NRXN1: variants seen among roughly 807,000 people sequenced by gnomAD.
NRXN1 encodes neurexin 1.
NRXN1 carries 39 observed loss-of-function variants against 150.9 expected under a neutral mutation model. That is an observed-to-expected ratio of 0.26 (90% CI 0.20 to 0.34). The LOEUF is 0.34. Among genes scored for constraint, NRXN1 ranks in the 10% least tolerant of loss-of-function variants. The pLI is 1.00. For missense variants in NRXN1, 1,815 were observed against 1,949.9 expected (o/e 0.93, Z 1.30); for synonymous variants, 924 against 757.0 (o/e 1.22, Z -3.62).
intron 5 of NRXN1, among the ~76,000 whole-genome samples, chr2:50,735,679 T>A (rs780546240): frequency 2.0e-5 from 3 of 152,124 alleles, no homozygotes; most frequent in Non-Finnish European, 4.4e-5. Flanking sequence ...CTATGCTACG[T>A]CCCTCAATTA....
chr2:50,096,411 G>A (rs781518015), intron 18 of NRXN1, among the ~76,000 whole-genome samples: 10 of 152,192 alleles, frequency 6.6e-5, no homozygotes, highest in East Asian at 1.9e-4. Context: ...GCAATAAAAC[G>A]TGCTAAACTT....
At chr2:50,799,431 C>G (rs774329057) in intron 5 of NRXN1, among the ~76,000 whole-genome samples, 1 of 152,104 alleles carries the variant, frequency 6.6e-6, no homozygotes. Context: ...TGAGAACTGT[C>G]CAATAAAGCC....
At chr2:50,743,352 T>A (rs1039332699) in intron 5 of NRXN1, among the ~76,000 whole-genome samples, 2 of 152,158 alleles carry the variant, frequency 1.3e-5, no homozygotes, top group African/African-American at 2.4e-5. Context: ...TAAGAAGATG[T>A]TAATTGAGGG....
In NRXN1 at chr2:50,347,542, G is replaced by A. The variant is rs2078117876; in HGVS notation, c.3365-110572C>T. The A allele has an allele frequency of 1.2e-5, 12 of 1,043,108 alleles. No individual in the cohort carries two copies. Among genetic ancestry groups the A allele is most frequent in the Non-Finnish European group, 1.4e-5 (12 of 864,540 alleles). The allele number at this position is 1,043,108 out of a possible 1,614,324, so 64.6% of individuals were successfully genotyped here. A position where few individuals can be genotyped will look rare whatever the true frequency, so the allele number is the denominator to read the frequency against. On this transcript the variant is annotated intron_variant, in intron 17 of 22. Transcript: ENST00000401669. The surrounding 1 kb of genome is among the most constrained non-coding windows in gnomAD (Gnocchi z 4.9). ...TCGCCCGCTAGCGCCAGCCTCCCCC[G>A]GGCAGCGCGCGGAGCAGCGGCGCGC...
chr2:50,015,558 G>A (rs1262594883), intron 21 of NRXN1, among the ~76,000 whole-genome samples: 1 of 150,448 alleles, frequency 6.6e-6, no homozygotes, highest in African/African-American at 2.4e-5. Context: ...CTGGGCTTGG[G>A]AGGAGGCAGC....
intron 5 of NRXN1, among the ~76,000 whole-genome samples, chr2:50,911,366 C>T (rs1684492557): frequency 6.8e-6 from 1 of 147,648 alleles, no homozygotes; most frequent in Admixed American, 6.9e-5. Flanking sequence ...ACTAATCTTT[C>T]AACCACTTCC....
rs139683302 is a variant in NRXN1 at position 50,336,903 on chromosome 2, T to A, written c.3365-99933A>T. Among the ~76,000 whole-genome samples, 327 of 152,102 alleles carry A rather than the reference T, an allele frequency of 2.1e-3. 2 individuals carry two copies. Among genetic ancestry groups the A allele is most frequent in the African/African-American group, 7.5e-3 (311 of 41,514 alleles). ...AAGATAAAGATAAGGCATTAAACCT[T>A]CAGAGAAATGACTTGTTGGAAATTA... is the stretch of plus-strand genomic sequence containing the variant. On this transcript the variant is annotated intron_variant, in intron 17 of 22. Coordinates refer to ENST00000401669, the MANE Select transcript of NRXN1 (RefSeq NM_001330078.2).
chr2:49,958,792 G>C (rs1290173492), intron 21 of NRXN1, among the ~76,000 whole-genome samples: 1 of 152,150 alleles, frequency 6.6e-6, no homozygotes, highest in Non-Finnish European at 1.5e-5. Context: ...GTCTATGAAA[G>C]CTCAATCTAG....
At position 49,982,410 on chromosome 2, in the gene NRXN1, TA is replaced by T. The variant is rs916835844; in HGVS notation, c.4129-38620del. ...AGGGCTTAGCAATGCTTCCAGCACA[TA>T]TGAAATCACCAATAACTCTTAGTTG... On this transcript the variant is annotated intron_variant, in intron 21 of 22. Transcript: ENST00000401669. Among the ~76,000 whole-genome samples, 5 of 152,086 alleles carry T rather than the reference TA, an allele frequency of 3.3e-5. 1 individual carries two copies. The highest frequency in any genetic ancestry group is 3.3e-4 in the Admixed American group (5 of 15,248).
intron 5 of NRXN1, among the ~76,000 whole-genome samples, chr2:50,755,764 A>G (rs1467038644): frequency 6.6e-6 from 1 of 151,832 alleles, no homozygotes; most frequent in East Asian, 1.9e-4. Flanking sequence ...AGAAATAACA[A>G]TCATCACTAA....
At chr2:50,224,695 G>GAA (rs1224973804) in intron 18 of NRXN1, among the ~76,000 whole-genome samples, 73 of 16,904 alleles carry the variant, frequency 4.3e-3, no homozygotes, top group African/African-American at 0.01. Context: ...GAGGGAGAAA[G>GAA]AGAGAGAGAG....
chr2:50,661,915 G>A (rs778989704), intron 5 of NRXN1, among the ~76,000 whole-genome samples: 11 of 152,032 alleles, frequency 7.2e-5, no homozygotes, highest in Non-Finnish European at 1.6e-4. Context: ...GACTTGCAGA[G>A]GCTGGGAAGG....
At chr2:50,716,590 TATG>T (rs2105085381) in intron 5 of NRXN1, among the ~76,000 whole-genome samples, 1 of 152,316 alleles carries the variant, frequency 6.6e-6, no homozygotes, top group East Asian at 1.9e-4. Context: ...GCTCATTTGC[TATG>T]ATAATGAGAA....
chr2:51,031,078 A>G (rs188979102), intron 1 of NRXN1, among the ~76,000 whole-genome samples: 22 of 152,178 alleles, frequency 1.4e-4, no homozygotes, highest in Admixed American at 1.4e-3. Flanking sequence ...ATACATTCTT[A>G]TCACAGGGAG....
At chr2:50,004,752 G>A (rs538569518) in intron 21 of NRXN1, among the ~76,000 whole-genome samples, 2 of 152,264 alleles carry the variant, frequency 1.3e-5, no homozygotes, top group South Asian at 4.1e-4. Flanking sequence ...TCTAGGCAGA[G>A]AATGTTACGT....
At chr2:50,959,096 C>T (rs898695585) in intron 2 of NRXN1, among the ~76,000 whole-genome samples, 1 of 151,964 alleles carries the variant, frequency 6.6e-6, no homozygotes, top group African/African-American at 2.4e-5. Context: ...TTAAAACAGA[C>T]AATAACAAGT....
At position 50,219,557 on chromosome 2, in the gene NRXN1, A is replaced by T. The variant is rs990575883; in HGVS notation, c.3546+17232T>A. On this transcript the variant is annotated intron_variant, in intron 18 of 22. Coordinates refer to ENST00000401669, the MANE Select transcript of NRXN1 (RefSeq NM_001330078.2). Reference sequence around the variant, plus strand: ...TATAAACTGGAATAACAAACACATCAACTTTACAAACCTCTCATACTAGTG... The same window carrying T: ...TATAAACTGGAATAACAAACACATCTACTTTACAAACCTCTCATACTAGTG... Among the ~76,000 whole-genome samples, 60 of 151,750 alleles carry T rather than the reference A, an allele frequency of 4.0e-4. 2 individuals carry two copies. Among genetic ancestry groups the T allele is most frequent in the Non-Finnish European group, 2.9e-5 (2 of 67,922 alleles).
intron 5 of NRXN1, among the ~76,000 whole-genome samples, chr2:50,653,272 G>A (rs1230967488): frequency 1.3e-5 from 2 of 152,008 alleles, no homozygotes; most frequent in Admixed American, 6.6e-5. Context: ...GGTTCAGAAT[G>A]CTCCACTCTA....
intron 5 of NRXN1, among the ~76,000 whole-genome samples, chr2:50,764,805 A>G (rs1702207170): frequency 6.6e-6 from 1 of 152,052 alleles, no homozygotes; most frequent in South Asian, 2.1e-4. Flanking sequence ...AAGGACCACT[A>G]AATTGCCAAA....
Sources: allele counts gnomAD v4.1 joint callset (sites outside exome capture counted in the v4.1 genomes callset), GRCh38; gene constraint gnomAD v4.1.1; non-coding constraint Gnocchi (gnomAD v3.1); transcripts MANE v1.5; gene names NCBI Gene and HGNC (gene_info 2026-07-23, HGNC 2026-07-21).